The following TENM1 variants were observed in gnomAD, a reference collection of about 807,000 sequenced individuals.
TENM1 encodes the protein teneurin transmembrane protein 1.
TENM1 carries 35 observed loss-of-function variants against 174.8 expected under a neutral mutation model. The ratio of observed to expected loss-of-function variants is 0.20; its 90% CI spans 0.15 to 0.27. TENM1 has a LOEUF of 0.27. TENM1 is among the 10% of genes least tolerant of loss of function. The pLI is 1.00. For missense variants in TENM1, 1,633 were observed against 2,130.1 expected (o/e 0.77, Z 4.59); for synonymous variants, 781 against 798.7 (o/e 0.98, Z 0.37).
chrX:124,398,101 G>A (rs774433842), intron 27 of TENM1, among the ~76,000 whole-genome samples: 1 of 108,789 alleles, frequency 9.2e-6, no homozygotes, highest in East Asian at 3.0e-4. Context: ...GGTGGCAGGC[G>A]CCTGTAATCC....
At chrX:124,534,049 G>A (rs1398043997) in intron 15 of TENM1, among the ~76,000 whole-genome samples, 1 of 111,839 alleles carries the variant, frequency 8.9e-6, no homozygotes, top group Non-Finnish European at 1.9e-5. Context: ...CCCCTCACAA[G>A]TGTCTTTTTT....
chrX:124,634,829 T>C (rs764862635), intron 11 of TENM1, among the ~76,000 whole-genome samples: 2 of 111,926 alleles, frequency 1.8e-5, no homozygotes, highest in African/African-American at 6.5e-5. Flanking sequence ...AACAATTATA[T>C]AAACCTCTTA....
At chrX:124,772,470 A>G (rs943992513) in intron 3 of TENM1, among the ~76,000 whole-genome samples, 1 of 111,911 alleles carries the variant, frequency 8.9e-6, no homozygotes, top group Non-Finnish European at 1.9e-5. Context: ...TCCATGGAAT[A>G]TTCCGGGGTA....
At chrX:124,387,211 G>A (rs1427934202) in intron 28 of TENM1, among the ~76,000 whole-genome samples, 1 of 109,762 alleles carries the variant, frequency 9.1e-6, no homozygotes, top group Non-Finnish European at 1.9e-5. Context: ...CTCTGGTTAT[G>A]CAGCCCCTCT....
Position 124,569,246 on chromosome X carries a change from C to T in TENM1, c.2078-3686G>A, listed in dbSNP as rs549106748. On this transcript the variant is annotated intron_variant, in intron 11 of 31. Transcript: ENST00000422452. ...ACCCAACACTGAAGAAAGCAGTAAG[C>T]CAAATAAATGAAGCAAAATTGAAAG... is the stretch of plus-strand genomic sequence containing the variant. 2.1e-3 allele frequency among the ~76,000 whole-genome samples: 228 copies of T among 107,269 alleles called. 1 individual carries two copies. The highest frequency in any genetic ancestry group is 0.019 in the Middle Eastern group (4 of 210). 93.2% of individuals were successfully genotyped at this position (107,269 alleles called of 115,157 possible).
At chrX:124,396,592 C>T (rs2060337580) in intron 27 of TENM1, among the ~76,000 whole-genome samples, 1 of 111,143 alleles carries the variant, frequency 9.0e-6, no homozygotes, top group South Asian at 3.8e-4. Flanking sequence ...GCATGAGCCA[C>T]CACGCCAGGC....
At chrX:125,125,052 T>C in the TENM1 span, among the ~76,000 whole-genome samples, 5 of 112,547 alleles carry the variant, frequency 4.4e-5, no homozygotes, top group African/African-American at 1.6e-4. Context: ...TTCTGCATCA[T>C]TGGATCATGT....
intron 3 of TENM1, among the ~76,000 whole-genome samples, chrX:124,886,802 A>C (rs1476575091): frequency 9.5e-6 from 1 of 104,726 alleles, no homozygotes; most frequent in Non-Finnish European, 2.0e-5. Flanking sequence ...ATAAAAATTC[A>C]TATGGGAAAG....
intron 11 of TENM1, among the ~76,000 whole-genome samples, chrX:124,580,331 C>T (rs2049271613): frequency 9.0e-6 from 1 of 110,867 alleles, no homozygotes; most frequent in Admixed American, 9.7e-5. Context: ...GGATGTTACG[C>T]TAAGTGGAAT....
the TENM1 span, among the ~76,000 whole-genome samples, chrX:124,996,445 G>A: frequency 9.3e-6 from 1 of 107,643 alleles, no homozygotes; most frequent in Non-Finnish European, 1.9e-5. Context: ...TGGATTTCAG[G>A]ATTAGAAACC....
chrX:124,931,045 G>C (rs1284459595), intron 1 of TENM1, among the ~76,000 whole-genome samples: 1 of 111,312 alleles, frequency 9.0e-6, no homozygotes, highest in East Asian at 2.8e-4. Flanking sequence ...CAGGTGTCTT[G>C]ACTGAGGACA....
chrX:124,682,838 T>C (rs1344553558), intron 5 of TENM1, among the ~76,000 whole-genome samples: 1 of 111,172 alleles, frequency 9.0e-6, no homozygotes, highest in Admixed American at 9.6e-5. Flanking sequence ...AAAACTGTTA[T>C]AGACCATGGG....
chrX:124,379,901 A>G (rs1769301732), exon 32 of TENM1: 1 of 111,953 alleles, frequency 8.9e-6, no homozygotes, highest in Non-Finnish European at 1.9e-5. Context: ...TACCACACCC[A>G]CAGGGAAGCA....
At chrX:124,651,662 C>T (rs1432474160) in intron 8 of TENM1, among the ~76,000 whole-genome samples, 1 of 110,935 alleles carries the variant, frequency 9.0e-6, no homozygotes. Context: ...CTGTTGAGAG[C>T]ACATAAAAAG....
At chrX:125,016,053 CA>C in the TENM1 span, among the ~76,000 whole-genome samples, 1 of 110,838 alleles carries the variant, frequency 9.0e-6, no homozygotes, top group Admixed American at 9.7e-5. Context: ...ATAGCTCCTC[CA>C]AAAATTTTTT....
chrX:125,021,790 T>C, the TENM1 span, among the ~76,000 whole-genome samples: 1 of 112,700 alleles, frequency 8.9e-6, no homozygotes, highest in Non-Finnish European at 1.9e-5. Flanking sequence ...CAAAATACTG[T>C]CCTTCTTTGA....
chrX:124,766,441 G>T (rs188498613), intron 3 of TENM1, among the ~76,000 whole-genome samples: 1 of 111,188 alleles, frequency 9.0e-6, no homozygotes, highest in African/African-American at 3.3e-5. Context: ...TTTCAGTTTT[G>T]TATATTATGA....
rs2058379886 is a variant in TENM1 at position 124,944,916 on chromosome X, T to C, written c.217+18621A>G. 2.7e-5 allele frequency among the ~76,000 whole-genome samples: 3 copies of C among 111,077 alleles called. No individual in the cohort carries two copies. In the South Asian group the frequency reaches 1.1e-3, roughly 42 times the overall value. On this transcript the variant is annotated intron_variant, in intron 1 of 31. Transcript: ENST00000422452. ...TAGGGTGACCATAATGTCTCAGTTT[T>C]CTCAGATAGTACTGGTTTATATGTG...
At chrX:124,684,438 G>C (rs746453808) in intron 5 of TENM1, among the ~76,000 whole-genome samples, 53 of 112,716 alleles carry the variant, frequency 4.7e-4, no homozygotes, top group Non-Finnish European at 9.0e-4. Context: ...TGGCAGAAGA[G>C]AGTGAAGTAA....
Sources: allele counts gnomAD v4.1 joint callset (sites outside exome capture counted in the v4.1 genomes callset), GRCh38; gene constraint gnomAD v4.1.1; transcripts MANE v1.5; gene names NCBI Gene and HGNC (gene_info 2026-07-23, HGNC 2026-07-21).